ARHGEF3: variants seen among roughly 807,000 people sequenced by gnomAD.
ARHGEF3 encodes the protein 59.8 kDA protein.
Under a neutral mutation model 63.2 loss-of-function variants are expected in ARHGEF3, and 28 were observed. The observed-to-expected ratio is 0.44, with a 90% CI of 0.33 to 0.61. ARHGEF3 has a LOEUF of 0.61. ARHGEF3 is among the 20% of genes least tolerant of loss of function. The pLI is 0.03. For missense variants in ARHGEF3, 533 were observed against 659.3 expected (o/e 0.81, Z 2.10); for synonymous variants, 266 against 254.2 (o/e 1.05, Z -0.44).
intron 4 of ARHGEF3, among the ~76,000 whole-genome samples, chr3:56,853,892 G>C (rs923034699): frequency 6.6e-6 from 1 of 152,110 alleles, no homozygotes; most frequent in African/African-American, 2.4e-5. Context: ...GCTCTCAGTA[G>C]AAGTTACATA....
chr3:56,916,316 C>T (rs1051740044), intron 3 of ARHGEF3: 9 of 1,535,336 alleles, frequency 5.9e-6, no homozygotes, highest in East Asian at 4.9e-5. Context: ...TACCTGCGAA[C>T]GGACAAAGAG....
At chr3:57,072,586 CA>C (rs1440580249) in intron 1 of ARHGEF3, among the ~76,000 whole-genome samples, 2 of 150,998 alleles carry the variant, frequency 1.3e-5, no homozygotes, top group African/African-American at 4.9e-5. Context: ...ACTAAAAATA[CA>C]AAAAATTAGC....
At position 57,015,669 on chromosome 3, in the gene ARHGEF3, T is replaced by C. The variant is rs1702966824; in HGVS notation, c.62+19419A>G. Among the ~76,000 whole-genome samples, 6 of 150,736 alleles carry C rather than the reference T, an allele frequency of 4.0e-5. No homozygotes were observed. In the South Asian group the frequency reaches 1.3e-3, roughly 32 times the overall value. ...GTTGCCCAGGCTGGTCTCAAACGCC[T>C]GGGCTCAAGTGATCCTCTTGCCTCT... On this transcript the variant is annotated intron_variant, in intron 2 of 12. Transcript: ENST00000338458.
intron 4 of ARHGEF3, among the ~76,000 whole-genome samples, chr3:56,811,392 G>T (rs2038058393): frequency 6.6e-6 from 1 of 152,092 alleles, no homozygotes; most frequent in Non-Finnish European, 1.5e-5. Flanking sequence ...TGGTGGGGGT[G>T]GGGGCATGGG....
At chr3:57,055,248 G>A (rs1704870890) in intron 1 of ARHGEF3, among the ~76,000 whole-genome samples, 1 of 145,900 alleles carries the variant, frequency 6.9e-6, no homozygotes, top group African/African-American at 2.6e-5. Context: ...GGCAACTTCT[G>A]CCTCCCAGGT....
intron 2 of ARHGEF3, among the ~76,000 whole-genome samples, chr3:57,017,764 G>A (rs1337512297): frequency 2.6e-5 from 4 of 152,204 alleles, no homozygotes; most frequent in African/African-American, 4.8e-5. Context: ...CAAAAGGCTG[G>A]ACCCAGGAGA....
At chr3:56,978,068 C>G (rs1168141649) in intron 2 of ARHGEF3, among the ~76,000 whole-genome samples, 1 of 152,194 alleles carries the variant, frequency 6.6e-6, no homozygotes, top group East Asian at 1.9e-4. Context: ...GGAGACATGC[C>G]AGCATTCAGT....
intron 3 of ARHGEF3, among the ~76,000 whole-genome samples, chr3:56,929,632 C>G (rs1263923666): frequency 6.6e-6 from 1 of 152,168 alleles, no homozygotes; most frequent in Non-Finnish European, 1.5e-5. Context: ...ATGACTTAAG[C>G]AGAACTCCCC....
At chr3:56,802,042 C>G, upstream of ARHGEF3, 1 of 1,365,672 alleles carries the variant, frequency 7.3e-7, no homozygotes, top group East Asian at 3.0e-5. Context: ...CCCACGCTGC[C>G]GGGAGGGCCC....
At chr3:57,075,565 C>T (rs1276890606) in intron 1 of ARHGEF3, 1 of 150,816 alleles carries the variant, frequency 6.6e-6, no homozygotes. Flanking sequence ...AATCCCAGCA[C>T]TTTGGGAGGC....
chr3:56,911,912 G>A (rs951331452), intron 3 of ARHGEF3, among the ~76,000 whole-genome samples: 7 of 151,160 alleles, frequency 4.6e-5, no homozygotes, highest in South Asian at 2.1e-4. Context: ...CAGCCTGGGC[G>A]ACAGAGCAAG....
At chr3:56,758,272 C>A (rs1183614470) in intron 2 of ARHGEF3, among the ~76,000 whole-genome samples, 3 of 150,018 alleles carry the variant, frequency 2.0e-5, no homozygotes, top group African/African-American at 7.3e-5. Context: ...CAGAGCAAGA[C>A]TCCCTCTAAA....
At chr3:56,931,287 T>A (rs1053347619) in intron 3 of ARHGEF3, among the ~76,000 whole-genome samples, 1 of 152,134 alleles carries the variant, frequency 6.6e-6, no homozygotes, top group Admixed American at 6.5e-5. Context: ...AAGCCACATA[T>A]CTTTTTGGCC....
intron 2 of ARHGEF3, among the ~76,000 whole-genome samples, chr3:57,009,988 G>A (rs1702617168): frequency 6.6e-6 from 1 of 152,154 alleles, no homozygotes. Flanking sequence ...AAGTCACACC[G>A]CAGCAAGTGG....
At chr3:56,906,463 C>G (rs975718326) in intron 3 of ARHGEF3, among the ~76,000 whole-genome samples, 1 of 152,170 alleles carries the variant, frequency 6.6e-6, no homozygotes, top group South Asian at 2.1e-4. Context: ...ACAATACTCA[C>G]TGGATACTAA....
chr3:56,812,113 T>C (rs1298783479), intron 4 of ARHGEF3, among the ~76,000 whole-genome samples: 1 of 152,098 alleles, frequency 6.6e-6, no homozygotes. Context: ...GAAAATTAAA[T>C]TGAAATGGGG....
intron 2 of ARHGEF3, among the ~76,000 whole-genome samples, chr3:56,757,793 G>A (rs2035166121): frequency 6.6e-6 from 1 of 151,386 alleles, no homozygotes; most frequent in Admixed American, 6.6e-5. Flanking sequence ...CGCAGTCTCA[G>A]CTCACTGCAA....
At chr3:57,073,768 A>T (rs1329584835) in intron 1 of ARHGEF3, 1 of 1,613,990 alleles carries the variant, frequency 6.2e-7, no homozygotes, top group South Asian at 1.1e-5. Flanking sequence ...AAGGCACTAG[A>T]CTCTTCCAGA....
intron 3 of ARHGEF3, among the ~76,000 whole-genome samples, chr3:56,754,138 C>A (rs1461256485): frequency 6.6e-6 from 1 of 152,168 alleles, no homozygotes; most frequent in Non-Finnish European, 1.5e-5. Context: ...TTCTCAGCCC[C>A]ACAGGTACAA....
Sources: gnomAD v4.1 joint callset for allele counts (sites outside exome capture counted in the v4.1 genomes callset) on GRCh38, gnomAD v4.1.1 for gene constraint, MANE v1.5 for transcripts, NCBI Gene and HGNC (gene_info 2026-07-23, HGNC 2026-07-21) for gene names.